Variants in NECAB1 observed in about 807,000 individuals in gnomAD.
NECAB1 encodes N-terminal EF-hand calcium binding protein 1, also known as N-terminal EF-hand calcium-binding protein 1.
A neutral mutation model predicts 57.5 loss-of-function variants in NECAB1; 29 were observed. The observed-to-expected ratio is 0.50, with a 90% CI of 0.38 to 0.69. The LOEUF is 0.69. NECAB1 is among the 30% of genes least tolerant of loss of function. The probability of loss-of-function intolerance (pLI) is 0.00; values close to 1 mark genes in which losing one functional copy is unlikely to be tolerated. For missense variants in NECAB1, 372 were observed against 413.8 expected, an observed-to-expected ratio of 0.90 and a Z score of 0.88; for synonymous variants, 142 against 147.7, an observed-to-expected ratio of 0.96 and a Z score of 0.28.
At chr8:90,874,003 T>C (rs1310435074) in intron 4 of NECAB1, among the ~76,000 whole-genome samples, 1 of 152,222 alleles carries the variant, frequency 6.6e-6, no homozygotes, top group Admixed American at 6.5e-5. Flanking sequence ...TTGTTCTGTG[T>C]TTTTTAAATC....
At chr8:90,946,801 A>G (rs889652286) in intron 10 of NECAB1, among the ~76,000 whole-genome samples, 1 of 152,198 alleles carries the variant, frequency 6.6e-6, no homozygotes, top group Non-Finnish European at 1.5e-5. Context: ...AATTCAAGTC[A>G]CATGGTCATT....
intron 3 of NECAB1, among the ~76,000 whole-genome samples, chr8:90,846,793 C>T (rs1812568396): frequency 6.6e-6 from 1 of 152,172 alleles, no homozygotes; most frequent in African/African-American, 2.4e-5. Flanking sequence ...ATAAAACCAT[C>T]AGATCGCAAG....
chr8:90,824,834 CT>C lies in NECAB1; in HGVS notation c.233+15del. 1 of 1,402,322 alleles carries C rather than the reference CT, an allele frequency of 7.1e-7. No homozygotes were observed. Among genetic ancestry groups the C allele is most frequent in the Non-Finnish European group, 9.7e-7 (1 of 1,027,754 alleles). The allele number at this position is 1,402,322 out of a possible 1,614,324, so 86.9% of individuals were successfully genotyped here. ...GATACACATAATACTAAGTAAGAAA[CT>C]TTTTTATCACTGGATTCCACAAGTG... On this transcript the variant is annotated intron_variant, in intron 3 of 12. Coordinates refer to ENST00000417640, the MANE Select transcript of NECAB1 (RefSeq NM_022351.5).
chr8:90,835,484 G>C (rs908730169), intron 3 of NECAB1, among the ~76,000 whole-genome samples: 4 of 151,954 alleles, frequency 2.6e-5, no homozygotes, highest in Admixed American at 2.0e-4. Context: ...GGCTTTAAAA[G>C]GGAGCCAACA....
intron 9 of NECAB1, among the ~76,000 whole-genome samples, chr8:90,939,401 C>T (rs766938909): frequency 6.6e-6 from 1 of 152,160 alleles, no homozygotes; most frequent in East Asian, 1.9e-4. Context: ...AAATAGAATC[C>T]ATGTCTTGAG....
At chr8:90,929,625 G>A (rs1472389283) in intron 8 of NECAB1, among the ~76,000 whole-genome samples, 2 of 152,122 alleles carry the variant, frequency 1.3e-5, no homozygotes, top group African/African-American at 4.8e-5. Context: ...CTGGCCTCCT[G>A]GATAGGGGAG....
At chr8:90,799,436 G>A (rs375406372) in intron 1 of NECAB1, among the ~76,000 whole-genome samples, 62 of 152,014 alleles carry the variant, frequency 4.1e-4, no homozygotes, top group African/African-American at 1.4e-3. Context: ...TTTTTATAGT[G>A]TGAGGTCTTA....
intron 5 of NECAB1, among the ~76,000 whole-genome samples, chr8:90,906,887 A>ATGTATATATATATATATATATATG (rs199604237): frequency 8.2e-6 from 1 of 121,670 alleles, no homozygotes; most frequent in African/African-American, 3.7e-5. Flanking sequence ...ATATATATAT[A>ATGTATATATATATATATATATATG]TATATATATA....
intron 7 of NECAB1, 127 bp from the exon 8 acceptor site, chr8:90,928,096 T>C: frequency 1.4e-6 from 1 of 706,312 alleles, no homozygotes; most frequent in Non-Finnish European, 2.4e-6. Flanking sequence ...GAATACATTT[T>C]AAAAAAATGA....
chr8:90,850,589 C>T (rs1586057627), intron 3 of NECAB1, among the ~76,000 whole-genome samples: 1 of 139,088 alleles, frequency 7.2e-6, no homozygotes, highest in African/African-American at 3.4e-5. Flanking sequence ...GATACAAGAA[C>T]ACCATGCAAA....
chr8:90,847,452 G>A (rs566775012), intron 3 of NECAB1, among the ~76,000 whole-genome samples: 9 of 152,188 alleles, frequency 5.9e-5, no homozygotes, highest in Non-Finnish European at 1.5e-5. Context: ...AGCTGTTGGT[G>A]GATTTACCAT....
intron 1 of NECAB1, among the ~76,000 whole-genome samples, chr8:90,795,714 A>T (rs377194869): frequency 0.11 from 15,952 of 148,886 alleles, 1,169 homozygotes; most frequent in African/African-American, 0.22. Flanking sequence ...TCTCTCACAC[A>T]CACACACACA....
chr8:90,822,467 C>T (rs983986249), intron 2 of NECAB1, among the ~76,000 whole-genome samples: 1 of 151,914 alleles, frequency 6.6e-6, no homozygotes, highest in Non-Finnish European at 1.5e-5. Context: ...TCAAAGCATA[C>T]TTTCCACCCT....
At chr8:90,856,382 G>A (rs1354520) in intron 3 of NECAB1, among the ~76,000 whole-genome samples, 70,843 of 151,768 alleles carry the variant, frequency 0.47, 19,997 homozygotes, top group East Asian at 0.77. Flanking sequence ...ATGATATCCC[G>A]AAGTCTAATC....
intron 10 of NECAB1, among the ~76,000 whole-genome samples, chr8:90,949,298 T>C (rs1165071687): frequency 1.3e-5 from 2 of 151,866 alleles, no homozygotes; most frequent in Non-Finnish European, 2.9e-5. Context: ...TGTATAGCAG[T>C]AGTGTGGTCC....
chr8:90,856,927 CAG>C (rs1482956020), intron 3 of NECAB1, among the ~76,000 whole-genome samples: 1 of 152,160 alleles, frequency 6.6e-6, no homozygotes, highest in Admixed American at 6.5e-5. Context: ...CTTAATGAAA[CAG>C]AAAGTTGTCT....
At chr8:90,882,506 A>G (rs948151379) in intron 5 of NECAB1, among the ~76,000 whole-genome samples, 1 of 152,118 alleles carries the variant, frequency 6.6e-6, no homozygotes, top group Non-Finnish European at 1.5e-5. Context: ...TGGAAACTGT[A>G]TAATAACTTC....
At chr8:90,879,948 T>G (rs910331968) in intron 4 of NECAB1, among the ~76,000 whole-genome samples, 1 of 152,240 alleles carries the variant, frequency 6.6e-6, no homozygotes, top group African/African-American at 2.4e-5. Flanking sequence ...GACTGTATTT[T>G]GACAACCATG....
At chr8:90,823,023 T>A (rs935345488) in intron 2 of NECAB1, among the ~76,000 whole-genome samples, 1 of 151,810 alleles carries the variant, frequency 6.6e-6, no homozygotes, top group Non-Finnish European at 1.5e-5. Context: ...AGCATATCCA[T>A]CAGGTTACAT....
Sources: allele counts gnomAD v4.1 joint callset (sites outside exome capture counted in the v4.1 genomes callset), GRCh38; gene constraint gnomAD v4.1.1; transcripts MANE v1.5; gene names NCBI Gene and HGNC (gene_info 2026-07-23, HGNC 2026-07-21).